TBC1D8B: variants seen among roughly 807,000 people sequenced by gnomAD.
The protein encoded by TBC1D8B is RP11-321G1.1.
In TBC1D8B, 75 loss-of-function variants were observed where a neutral mutation model predicts 82.9. The ratio of observed to expected loss-of-function variants is 0.90; its 90% CI spans 0.75 to 1.10. The LOEUF (loss-of-function observed/expected upper bound fraction) is 1.10, where lower values mean the gene tolerates loss of function less well. Ranked by LOEUF, TBC1D8B falls within the 50% of genes least tolerant of loss-of-function variation. The pLI, the probability that TBC1D8B is intolerant of heterozygous loss-of-function variation, is 0.00. For synonymous variants in TBC1D8B, 276 were observed against 276.8 expected (o/e 1.00, Z 0.03); for missense variants, 794 against 796.9 (o/e 1.00, Z 0.04).
At chrX:106,806,300 T>C (rs1382055936) in intron 1 of TBC1D8B, among the ~76,000 whole-genome samples, 2 of 112,210 alleles carry the variant, frequency 1.8e-5, no homozygotes, top group Admixed American at 9.5e-5. Context: ...TTGGTATACA[T>C]AAGCGGTTTT....
Position 106,873,865 on chromosome X carries a change from A to G in TBC1D8B, c.3263A>G (p.Asn1088Ser). The change falls in exon 21 of 21, where the codon AAT becomes AGT. Residue 1088 changes from asparagine (N) to serine (S), a missense_variant. Transcript: ENST00000357242. ...GAACAGATTCTTGCATCGCTGTTGA[A>G]TGAACCAGCATTGGTGAGGTTTTTT... ...AFEQILASLL[N>S]EPALVRFFEK... 8.3e-7 allele frequency: 1 copy of G among 1,211,791 alleles called. No homozygotes were observed.
chrX:106,821,041 G>T lies in TBC1D8B; in HGVS notation c.360+46G>T, dbSNP rs983504441. 4 of 754,696 alleles carry T rather than the reference G, an allele frequency of 5.3e-6. No homozygotes were observed. The East Asian group carries it at 1.4e-4, about 27-fold the overall frequency. The allele number at this position is 754,696 out of a possible 1,213,427, so 62.2% of individuals were successfully genotyped here. A position where few individuals can be genotyped will look rare whatever the true frequency, so the allele number is the denominator to read the frequency against. ...TTGTAGATGGAGTGCCAAAACCTTT[G>T]ACTCTCATGTATGAGGATCAAAGTT... On this transcript the variant is annotated intron_variant, in intron 3 of 20. Coordinates refer to ENST00000357242, the MANE Select transcript of TBC1D8B (RefSeq NM_017752.3).
At chrX:106,837,274 A>T (rs1316371788) in intron 7 of TBC1D8B, among the ~76,000 whole-genome samples, 1 of 112,036 alleles carries the variant, frequency 8.9e-6, no homozygotes, top group African/African-American at 3.2e-5. Flanking sequence ...GAATGGAGGA[A>T]ATATTTGCCA....
chrX:106,854,273 G>A lies in TBC1D8B; in HGVS notation c.2329G>A (p.Glu777Lys). The A allele has an allele frequency of 8.4e-7, 1 of 1,183,709 alleles. No individual in the cohort carries two copies. The highest frequency in any genetic ancestry group is 1.1e-6 in the Non-Finnish European group (1 of 883,209). ...TAGGTTGTATGTGATACAGACCCTA[G>A]AGGAAACAACAAAACAGAATGTGGT... ...RNRLYVIQTL[E>K]ETTKQNVLRV... is the part of the protein sequence containing the mutation. Residue 777 changes from glutamate to lysine, a missense_variant, in exon 14 of 21, where the codon GAG becomes AAG. Transcript: ENST00000357242.
At chrX:106,809,562 G>A (rs1931296931) in intron 1 of TBC1D8B, among the ~76,000 whole-genome samples, 1 of 110,850 alleles carries the variant, frequency 9.0e-6, no homozygotes, top group Admixed American at 9.6e-5. Context: ...CTTGTCCTGG[G>A]TGTTGAGTAT....
In TBC1D8B at chrX:106,824,072, G is replaced by A. The variant is rs765082494; in HGVS notation, c.827+606G>A. On this transcript the variant is annotated intron_variant, in intron 5 of 20. Transcript: ENST00000357242. ...ATGAGGCAAATATTAATCATTATTA[G>A]TGCCTCCTTCAGAAGTATGTGTCTG... 1.1e-4 allele frequency among the ~76,000 whole-genome samples: 12 copies of A among 111,483 alleles called. No individual in the cohort carries two copies. In the South Asian group the frequency reaches 3.3e-3, roughly 31 times the overall value.
In TBC1D8B at chrX:106,848,158, T is replaced by A. The variant is rs774799969; in HGVS notation, c.1720-28T>A. ...AATTATTACTTGAGCAATATTTGCT[T>A]TTTAATACTGTTTTCTATGAATTTT... is the stretch of plus-strand genomic sequence containing the variant. On this transcript the variant is annotated intron_variant, in intron 10 of 20. Transcript: ENST00000357242. 21 of 1,076,650 alleles carry A rather than the reference T, an allele frequency of 2.0e-5. No homozygotes were observed. The East Asian group carries it at 6.5e-4, about 33-fold the overall frequency. The allele number at this position is 1,076,650 out of a possible 1,213,427, so 88.7% of individuals were successfully genotyped here. A position where few individuals can be genotyped will look rare whatever the true frequency, so the allele number is the denominator to read the frequency against.
At chrX:106,827,691 C>T in intron 7 of TBC1D8B, 2 of 146,600 alleles carry the variant, frequency 1.4e-5, no homozygotes, top group South Asian at 2.0e-4. Context: ...ACTCCTCTTA[C>T]TGTTGCAAAG....
chrX:106,802,949 G>C lies in TBC1D8B; in HGVS notation c.96G>C (p.Arg32=). Residue 32 remains arginine, a synonymous_variant, in exon 1 of 21, where the codon CGG becomes CGC. Transcript: ENST00000357242. The stretch of plus-strand genomic sequence containing the variant: ...ACTACTTCGTGCTGCAGCGGCGTCG[G>C]GGCTACGGGGAGGAAGGCGGAGGGG... ...SNDYFVLQRR[R]GYGEEGGGGL... 2 of 1,210,278 alleles carry C rather than the reference G, an allele frequency of 1.7e-6. No homozygotes were observed. The highest frequency in any genetic ancestry group is 2.2e-6 in the Non-Finnish European group (2 of 894,818).
At position 106,866,003 on chromosome X, in the gene TBC1D8B, A is replaced by G. The variant is rs150364607; in HGVS notation, c.2632A>G (p.Ile878Val). Residue 878 changes from isoleucine (I) to valine (V), a missense_variant, in exon 16 of 21, where the codon ATA (isoleucine) becomes GTA (valine). Ile to Val is a conservative substitution (Grantham distance 29). Transcript: ENST00000357242. Reference protein sequence around the residue: ...RLLDENSDCLINFKEFSSAID... With the variant: ...RLLDENSDCLVNFKEFSSAID... ...GTTAGATGAAAACTCTGATTGCCTT[A>G]TAAACTTCAAAGAATTCTCCTCTGC... 1.6e-5 allele frequency: 19 copies of G among 1,204,392 alleles called. No homozygotes were observed. The African/African-American group carries it at 2.3e-4, about 15-fold the overall frequency.
At chrX:106,858,196 T>C (rs1008091999) in intron 14 of TBC1D8B, among the ~76,000 whole-genome samples, 2 of 112,429 alleles carry the variant, frequency 1.8e-5, no homozygotes, top group Admixed American at 9.4e-5. Flanking sequence ...GTTGGCTGCA[T>C]GTAGGTCTTC....
At chrX:106,820,752 C>G (rs763865847) in intron 2 of TBC1D8B, 125 bp from the exon 3 acceptor site, 24 of 485,695 alleles carry the variant, frequency 4.9e-5, no homozygotes, top group Non-Finnish European at 7.7e-5. Flanking sequence ...ATATTTTACT[C>G]CTTTATGACC....
intron 14 of TBC1D8B, among the ~76,000 whole-genome samples, chrX:106,861,846 T>C (rs907125351): frequency 8.9e-6 from 1 of 112,206 alleles, no homozygotes; most frequent in African/African-American, 3.2e-5. Context: ...ATAGTCTATG[T>C]ACTTAAGTGT....
At chrX:106,849,067 G>T (rs951879097) in intron 11 of TBC1D8B, among the ~76,000 whole-genome samples, 3 of 108,455 alleles carry the variant, frequency 2.8e-5, no homozygotes, top group African/African-American at 1.0e-4. Flanking sequence ...GTGAGCCACC[G>T]CGCCTGGCCA....
intron 12 of TBC1D8B, among the ~76,000 whole-genome samples, chrX:106,851,434 C>A (rs994343632): frequency 4.5e-5 from 5 of 111,916 alleles, no homozygotes; most frequent in African/African-American, 1.6e-4. Flanking sequence ...TATTATTATA[C>A]TTTAAGTTTT....
intron 1 of TBC1D8B, among the ~76,000 whole-genome samples, chrX:106,816,155 G>C (rs201855325): frequency 9.1e-6 from 1 of 109,940 alleles, no homozygotes; most frequent in Non-Finnish European, 1.9e-5. Flanking sequence ...TGTATATCTA[G>C]AAAACCCCAT....
rs770899050 is a variant in TBC1D8B at position 106,804,301 on chromosome X, C to A, written c.130+1318C>A. Among the ~76,000 whole-genome samples the A allele has an allele frequency of 3.6e-5, 4 of 111,098 alleles. No homozygotes were observed. The South Asian group carries it at 1.5e-3, about 43-fold the overall frequency. ...CGTATGCTGTTATTTCGTTTTCAAG[C>A]CACTCCCGGGGTGCAAAGAATTCTG... On this transcript the variant is annotated intron_variant, in intron 1 of 20. Coordinates refer to ENST00000357242, the MANE Select transcript of TBC1D8B (RefSeq NM_017752.3).
intron 1 of TBC1D8B, among the ~76,000 whole-genome samples, chrX:106,816,118 A>T (rs1222533269): frequency 9.0e-6 from 1 of 111,327 alleles, no homozygotes; most frequent in Non-Finnish European, 1.9e-5. Flanking sequence ...AGGAAGTCAA[A>T]TTGTCCCTGT....
intron 16 of TBC1D8B, 110 bp downstream of exon 16, chrX:106,866,143 G>A: frequency 6.4e-6 from 5 of 785,676 alleles, no homozygotes; most frequent in Non-Finnish European, 8.9e-6. Flanking sequence ...AGTGTGTTTA[G>A]CTTTAGTAAT....
Sources: allele counts gnomAD v4.1 joint callset (sites outside exome capture counted in the v4.1 genomes callset), GRCh38; gene constraint gnomAD v4.1.1; transcripts MANE v1.5; gene names NCBI Gene and HGNC (gene_info 2026-07-23, HGNC 2026-07-21).